ABCC6: variants seen among roughly 807,000 people sequenced by gnomAD.
ABCC6 encodes the protein ATP binding cassette subfamily C member 6.
ABCC6 carries 126 observed loss-of-function variants against 169.5 expected under a neutral mutation model. The observed-to-expected ratio is 0.74, with a 90% CI of 0.64 to 0.86. The LOEUF is 0.86. Among genes scored for constraint, ABCC6 ranks in the 40% least tolerant of loss-of-function variants. The probability of loss-of-function intolerance (pLI) is 0.00; values close to 1 mark genes in which losing one functional copy is unlikely to be tolerated. For missense variants in ABCC6, 1,733 were observed against 1,927.2 expected (o/e 0.90, Z 1.89); for synonymous variants, 752 against 814.7 (o/e 0.92, Z 1.31).
chr16:16,196,159 G>A (rs560195133), intron 10 of ABCC6, among the ~76,000 whole-genome samples: 6 of 144,170 alleles, frequency 4.2e-5, no homozygotes, highest in African/African-American at 7.9e-5. Context: ...GCAGTGAGCC[G>A]AAGTTGTGCC....
At chr16:16,178,413 A>G (rs1264883635) in intron 18 of ABCC6, among the ~76,000 whole-genome samples, 1 of 151,880 alleles carries the variant, frequency 6.6e-6, no homozygotes, top group African/African-American at 2.4e-5. Flanking sequence ...TTGTCCCTGG[A>G]CTCAGAGTGG....
At chr16:16,191,983 C>T (rs2047875873) in intron 11 of ABCC6, among the ~76,000 whole-genome samples, 1 of 152,116 alleles carries the variant, frequency 6.6e-6, no homozygotes, top group African/African-American at 2.4e-5. Context: ...TCCTGTAGGA[C>T]CCTGTAGGTT....
intron 21 of ABCC6, 68 bp downstream of exon 21, chr16:16,173,216 G>C: frequency 6.2e-7 from 1 of 1,607,000 alleles, no homozygotes; most frequent in South Asian, 1.1e-5. Flanking sequence ...GCTACATTTG[G>C]TGGGAAGACT....
intron 20 of ABCC6, among the ~76,000 whole-genome samples, chr16:16,174,415 G>A (rs1051011578): frequency 2.3e-4 from 35 of 152,144 alleles, no homozygotes; most frequent in African/African-American, 7.7e-4. Flanking sequence ...CTCTCTGGAC[G>A]TATTCTGGTT....
chr16:16,195,990 A>G (rs1430511587), intron 10 of ABCC6, among the ~76,000 whole-genome samples: 1 of 152,080 alleles, frequency 6.6e-6, no homozygotes, highest in African/African-American at 2.4e-5. Flanking sequence ...TGGGCAGATC[A>G]CCTGAGGTCA....
chr16:16,180,562 G>A (rs1473955774), intron 17 of ABCC6, among the ~76,000 whole-genome samples: 7 of 151,890 alleles, frequency 4.6e-5, no homozygotes, highest in South Asian at 2.1e-4. Context: ...GCTTGATCTC[G>A]GCTCACTGCA....
chr16:16,204,714 G>C (rs530719306), intron 7 of ABCC6, among the ~76,000 whole-genome samples: 1 of 152,286 alleles, frequency 6.6e-6, no homozygotes, highest in Non-Finnish European at 1.5e-5. Flanking sequence ...GTTGCTGTGT[G>C]GTCCTGGGCG....
intron 10 of ABCC6, among the ~76,000 whole-genome samples, chr16:16,196,632 C>T (rs2048047071): frequency 6.6e-6 from 1 of 152,152 alleles, no homozygotes. Context: ...CACAGATTCA[C>T]AACTGATAAG....
At chr16:16,173,627 ATTC>A (rs1190291313) in intron 20 of ABCC6, among the ~76,000 whole-genome samples, 1 of 151,840 alleles carries the variant, frequency 6.6e-6, no homozygotes, top group Non-Finnish European at 1.5e-5. Context: ...AAGCAAGCCC[ATTC>A]TTCTGATGCC....
At position 16,219,954 on chromosome 16, in the gene ABCC6, A is replaced by G. The variant is rs1433937391; in HGVS notation, c.220-7T>C. The stretch of plus-strand genomic sequence containing the variant: ...TGAGGGCGAATCCAAGCACCTGAGG[A>G]TACAGGCTTAGATAAGCTTGGGGGG... On this transcript the variant is annotated splice_region_variant and splice_polypyrimidine_tract_variant and intron_variant, in intron 2 of 30. Coordinates refer to ENST00000205557, the MANE Select transcript of ABCC6 (RefSeq NM_001171.6). 1 of 1,542,548 alleles carries G rather than the reference A, an allele frequency of 6.5e-7. No homozygotes were observed. Among genetic ancestry groups the G allele is most frequent in the East Asian group, 2.4e-5 (1 of 41,096 alleles).
At chr16:16,200,644 T>C (rs57508137) in intron 9 of ABCC6, among the ~76,000 whole-genome samples, 28,207 of 112,510 alleles carry the variant, frequency 0.25, 4,363 homozygotes, top group Middle Eastern at 0.35. Context: ...GAGCCTGGGA[T>C]GCAGCACTCT....
chr16:16,193,049 T>A lies in ABCC6; in HGVS notation c.1339-127A>T, dbSNP rs541121182. On this transcript the variant is annotated intron_variant, in intron 10 of 30. Transcript: ENST00000205557. The stretch of plus-strand genomic sequence containing the variant: ...TGAGGCTGAGACCTACTGGGCTGCA[T>A]TCCCAGACGGTTAGGGTATTGTAAG... 9 of 753,568 alleles carry A rather than the reference T, an allele frequency of 1.2e-5. No individual in the cohort carries two copies. The African/African-American group carries it at 1.6e-4, about 13-fold the overall frequency. 46.7% of individuals were successfully genotyped at this position (753,568 alleles called of 1,614,324 possible).
chr16:16,204,562 G>T (rs2048334702), intron 7 of ABCC6, among the ~76,000 whole-genome samples: 2 of 152,174 alleles, frequency 1.3e-5, no homozygotes, highest in African/African-American at 2.4e-5. Flanking sequence ...CCAGCCTTTG[G>T]CTATAACCAG....
intron 10 of ABCC6, among the ~76,000 whole-genome samples, chr16:16,193,369 G>T (rs2047928361): frequency 6.6e-6 from 1 of 152,140 alleles, no homozygotes; most frequent in Admixed American, 6.5e-5. Context: ...AGCCCTCTGG[G>T]TTGCTCTCTC....
intron 20 of ABCC6, 130 bp downstream of exon 20, chr16:16,175,781 G>A (rs2047258570): frequency 1.9e-6 from 2 of 1,078,460 alleles, no homozygotes; most frequent in South Asian, 2.6e-5. Flanking sequence ...CACCATGGGG[G>A]GGACTTCAGC....
chr16:16,154,371 A>G (rs546660584), intron 29 of ABCC6, among the ~76,000 whole-genome samples: 156 of 152,358 alleles, frequency 1.0e-3, no homozygotes, highest in African/African-American at 3.6e-3. Flanking sequence ...AATAAAGGCT[A>G]TCAGTAGCCC....
At position 16,150,101 on chromosome 16, in the gene ABCC6, G is replaced by T. The variant is rs776054073; in HGVS notation, c.*32C>A. 6.2e-7 allele frequency: 1 copy of T among 1,611,160 alleles called. No individual in the cohort carries two copies. Among genetic ancestry groups the T allele is most frequent in the Non-Finnish European group, 8.5e-7 (1 of 1,179,662 alleles). On this transcript the variant is annotated 3_prime_UTR_variant, in exon 31 of 31. Coordinates refer to ENST00000205557, the MANE Select transcript of ABCC6 (RefSeq NM_001171.6). ...TCCAGCACTGCAGGCTGTGCGGGCT[G>T]GTCCAACTGGGGTACGGTTGAGGGT...
intron 27 of ABCC6, chr16:16,155,373 C>G (rs551262912): frequency 2.0e-5 from 8 of 392,114 alleles, no homozygotes; most frequent in African/African-American, 1.4e-4. Flanking sequence ...TCTGTCTGTC[C>G]GTCCATCCAT....
intron 26 of ABCC6, among the ~76,000 whole-genome samples, chr16:16,158,839 T>C (rs16967488): frequency 0.22 from 33,776 of 152,128 alleles, 4,516 homozygotes; most frequent in South Asian, 0.46. Context: ...GTTATGTTGC[T>C]ACTCTGTTAC....
Sources: gnomAD v4.1 joint callset for allele counts (sites outside exome capture counted in the v4.1 genomes callset) on GRCh38, gnomAD v4.1.1 for gene constraint, MANE v1.5 for transcripts, NCBI Gene and HGNC (gene_info 2026-07-23, HGNC 2026-07-21) for gene names.